The following PRKAG2 variants were observed in gnomAD, a reference collection of about 807,000 sequenced individuals.
PRKAG2 encodes protein kinase AMP-activated non-catalytic subunit gamma 2.
In PRKAG2, 26 loss-of-function variants were observed where a neutral mutation model predicts 69.6. The observed-to-expected ratio is 0.37, with a 90% CI of 0.27 to 0.52. PRKAG2 has a LOEUF of 0.52. PRKAG2 is among the 20% of genes least tolerant of loss of function. The pLI is 0.90. For missense variants in PRKAG2, 557 were observed against 740.0 expected, an observed-to-expected ratio of 0.75 and a Z score of 2.87; for synonymous variants, 293 against 285.0, an observed-to-expected ratio of 1.03 and a Z score of -0.28.
At chr7:151,823,244 A>AT (rs35234144) in intron 1 of PRKAG2, among the ~76,000 whole-genome samples, 82,772 of 151,354 alleles carry the variant, frequency 0.55, 23,223 homozygotes, top group East Asian at 0.86. Flanking sequence ...TTGTATCAAC[A>AT]TTTTTTTTTC....
chr7:151,562,813 A>T (rs1805364428), intron 14 of PRKAG2, among the ~76,000 whole-genome samples: 1 of 89,668 alleles, frequency 1.1e-5, no homozygotes, highest in Admixed American at 1.2e-4. Context: ...TAAAAATACA[A>T]AAAATTAGGC....
At chr7:151,637,286 C>G (rs992355323) in intron 4 of PRKAG2, among the ~76,000 whole-genome samples, 1 of 152,102 alleles carries the variant, frequency 6.6e-6, no homozygotes, top group Non-Finnish European at 1.5e-5. Flanking sequence ...CAGGAAGTAT[C>G]TCTCGTTCTA....
intron 5 of PRKAG2, among the ~76,000 whole-genome samples, chr7:151,628,350 A>C (rs1823530716): frequency 6.6e-6 from 1 of 152,232 alleles, no homozygotes; most frequent in African/African-American, 2.4e-5. Flanking sequence ...GGCAGTTAAT[A>C]TAGATAAACA....
chr7:151,612,894 G>A (rs1819201416), intron 5 of PRKAG2, among the ~76,000 whole-genome samples: 2 of 152,218 alleles, frequency 1.3e-5, no homozygotes, highest in Non-Finnish European at 2.9e-5. Flanking sequence ...GTGGGGCAGC[G>A]ACCTTCATTC....
intron 1 of PRKAG2, among the ~76,000 whole-genome samples, chr7:151,873,515 G>C (rs1302506284): frequency 1.3e-5 from 2 of 152,160 alleles, no homozygotes; most frequent in African/African-American, 4.8e-5. Context: ...GACCTCCCTG[G>C]TACCCAAAGC....
chr7:151,851,067 C>T (rs1586720578), intron 1 of PRKAG2, among the ~76,000 whole-genome samples: 1 of 152,098 alleles, frequency 6.6e-6, no homozygotes, highest in Admixed American at 6.5e-5. Flanking sequence ...TATCTGGGAT[C>T]GAGCCACTCA....
At chr7:151,737,462 C>G (rs778270428) in intron 3 of PRKAG2, among the ~76,000 whole-genome samples, 1 of 152,150 alleles carries the variant, frequency 6.6e-6, no homozygotes, top group Non-Finnish European at 1.5e-5. Context: ...AGTTAAATAA[C>G]CCCCGAGCTA....
Position 151,681,406 on chromosome 7 carries a change from G to A in PRKAG2, c.467-5769C>T, listed in dbSNP as rs1268202360. Among the ~76,000 whole-genome samples, 11 of 152,292 alleles carry A rather than the reference G, an allele frequency of 7.2e-5. No individual in the cohort carries two copies. The East Asian group carries it at 2.1e-3, about 29-fold the overall frequency. On this transcript the variant is annotated intron_variant, in intron 3 of 15. Transcript: ENST00000287878. Reference sequence around the variant, plus strand: ...GGCACTCTGGACTACAGAGGGGGAAGGGAAACTTTTAGAGGAAGGGACAGG... The same window carrying A: ...GGCACTCTGGACTACAGAGGGGGAAAGGAAACTTTTAGAGGAAGGGACAGG...
In PRKAG2 at chr7:151,557,779, A is replaced by C. The variant is rs1390995957; in HGVS notation, c.1679-547T>G. ...CAGCTACTTGGGAGACTGAGGCAGG[A>C]GAATCGCTTGAATCCGGGAGGTGGA... On this transcript the variant is annotated intron_variant, in intron 15 of 15. Coordinates refer to ENST00000287878, the MANE Select transcript of PRKAG2 (RefSeq NM_016203.4). 7.2e-6 allele frequency: 4 copies of C among 559,190 alleles called. No homozygotes were observed. The East Asian group carries it at 5.8e-4, about 81-fold the overall frequency. The allele number at this position is 559,190 out of a possible 1,614,324, so 34.6% of individuals were successfully genotyped here. A position where few individuals can be genotyped will look rare whatever the true frequency, so the allele number is the denominator to read the frequency against.
chr7:151,690,473 T>TCAATCTG (rs1835492989), intron 3 of PRKAG2, among the ~76,000 whole-genome samples: 2 of 152,126 alleles, frequency 1.3e-5, no homozygotes, highest in African/African-American at 4.8e-5. Context: ...TTATTCTTGG[T>TCAATCTG]CAATCTGCAG....
At chr7:151,678,336 G>A (rs991180200) in intron 3 of PRKAG2, among the ~76,000 whole-genome samples, 4 of 152,204 alleles carry the variant, frequency 2.6e-5, no homozygotes, top group African/African-American at 9.6e-5. Context: ...CCTGAGCCAA[G>A]GGGTCTGGCA....
At chr7:151,747,204 A>T (rs544919423) in intron 3 of PRKAG2, among the ~76,000 whole-genome samples, 1 of 152,304 alleles carries the variant, frequency 6.6e-6, no homozygotes, top group Admixed American at 6.5e-5. Context: ...GTGTTGACGC[A>T]TATAGGGTGA....
At chr7:151,576,959 G>A (rs1051236616) in intron 6 of PRKAG2, among the ~76,000 whole-genome samples, 1 of 146,556 alleles carries the variant, frequency 6.8e-6, no homozygotes, top group Non-Finnish European at 1.5e-5. Flanking sequence ...ATTATTTTTT[G>A]AAATTGAAAT....
rs549595456 is a variant in PRKAG2 at position 151,784,452 on chromosome 7, T to C, written c.186+2018A>G. Among the ~76,000 whole-genome samples the C allele has an allele frequency of 9.2e-4, 140 of 152,216 alleles. 1 individual carries two copies. The highest frequency in any genetic ancestry group is 1.8e-3 in the Non-Finnish European group (120 of 67,992). ...CATAAGCACCATGCAGATGGATAAA[T>C]GGCCCGGAGCTGAAACCTGCCCCTT... On this transcript the variant is annotated intron_variant, in intron 2 of 15. Coordinates refer to ENST00000287878, the MANE Select transcript of PRKAG2 (RefSeq NM_016203.4).
intron 1 of PRKAG2, among the ~76,000 whole-genome samples, chr7:151,796,570 GTC>G (rs1377983626): frequency 7.9e-5 from 12 of 152,140 alleles, no homozygotes; most frequent in African/African-American, 2.4e-4. Flanking sequence ...TCGTGCAAGT[GTC>G]TGTCATGGCA....
intron 4 of PRKAG2, among the ~76,000 whole-genome samples, chr7:151,669,882 TTGCATGCACACACACC>T (rs1554526930): frequency 1.4e-5 from 1 of 73,164 alleles, no homozygotes; most frequent in African/African-American, 4.5e-5. Context: ...GCACACACAG[TTGCATGCACACACACC>T]TGCATGCACA....
chr7:151,640,293 G>A (rs1431064711), intron 4 of PRKAG2, among the ~76,000 whole-genome samples: 1 of 152,200 alleles, frequency 6.6e-6, no homozygotes, highest in African/African-American at 2.4e-5. Flanking sequence ...CTGAGTGACA[G>A]AGTGAGACTC....
In PRKAG2 at chr7:151,876,595, T is replaced by A. The variant is rs574029693; in HGVS notation, c.26A>T (p.Lys9Met). 1 of 1,610,106 alleles carries A rather than the reference T, an allele frequency of 6.2e-7. No homozygotes were observed. Among genetic ancestry groups the A allele is most frequent in the East Asian group, 2.2e-5 (1 of 44,876 alleles). The part of the protein sequence containing the change: MGSAVMDT[K>M]KKKDVSSPGG... The stretch of plus-strand genomic sequence containing the variant: ...GGGGCTGGAAACATCTTTTTTCTTC[T>A]TGGTGTCCATAACCGCGCTTCCCAT... Residue 9 changes from lysine to methionine, a missense_variant, in exon 1 of 16, where the codon AAG becomes ATG. Transcript: ENST00000287878.
rs1238552637 is a variant in PRKAG2 at position 151,614,169 on chromosome 7, C to T, written c.754+17900G>A. Among the ~76,000 whole-genome samples, 1 of 152,178 alleles carries T rather than the reference C, an allele frequency of 6.6e-6. No individual in the cohort carries two copies. The highest frequency in any genetic ancestry group is 2.4e-5 in the African/African-American group (1 of 41,458). On this transcript the variant is annotated intron_variant, in intron 5 of 15. Transcript: ENST00000287878. This position sits in a 1 kb window ranked among gnomAD's most constrained non-coding sequence, Gnocchi z 4.4. The stretch of plus-strand genomic sequence containing the variant: ...GCCCCAGCCAGCACTCCAACACGGC[C>T]TGTCAGGGGAGGTGACGCTGTCTCC...
Sources: allele counts gnomAD v4.1 joint callset (sites outside exome capture counted in the v4.1 genomes callset), GRCh38; gene constraint gnomAD v4.1.1; non-coding constraint Gnocchi (gnomAD v3.1); transcripts MANE v1.5; gene names NCBI Gene and HGNC (gene_info 2026-07-23, HGNC 2026-07-21).